The following LILRA2 variants were observed in gnomAD, a reference collection of about 807,000 sequenced individuals.
LILRA2 encodes leukocyte immunoglobulin like receptor A2, also known as leukocyte immunoglobulin-like receptor subfamily A member 2.
In LILRA2, 45 loss-of-function variants were observed where a neutral mutation model predicts 47.9. That is an observed-to-expected ratio of 0.94 (90% confidence interval 0.74 to 1.20). The LOEUF is 1.20. Ranked by LOEUF, LILRA2 falls within the 50% of genes most tolerant of loss-of-function variation. The pLI is 0.00. For missense variants in LILRA2, 651 were observed against 598.2 expected, an observed-to-expected ratio of 1.09 and a Z score of -0.92; for synonymous variants, 279 against 249.2, an observed-to-expected ratio of 1.12 and a Z score of -1.13.
intron 6 of LILRA2, among the ~76,000 whole-genome samples, chr19:54,579,015 A>T (rs117723404): frequency 6.6e-6 from 1 of 151,160 alleles, no homozygotes; most frequent in Non-Finnish European, 1.5e-5. Context: ...GGATATTAGC[A>T]CTTTGCCAAA....
chr19:54,583,078 T>C (rs907582719), intron 6 of LILRA2, among the ~76,000 whole-genome samples: 1 of 152,216 alleles, frequency 6.6e-6, no homozygotes, highest in African/African-American at 2.4e-5. Context: ...TCCATGTAGT[T>C]GTGTGGTTTT....
intron 6 of LILRA2, chr19:54,577,637 C>T: frequency 2.3e-6 from 3 of 1,289,592 alleles, no homozygotes; most frequent in Non-Finnish European, 3.0e-6. Flanking sequence ...CTCACACTGC[C>T]CCTCCTGTGC....
intron 6 of LILRA2, among the ~76,000 whole-genome samples, chr19:54,578,177 T>C (rs4806784): frequency 0.24 from 36,280 of 151,942 alleles, 6,627 homozygotes; most frequent in African/African-American, 0.5. Context: ...ATGTGCACAA[T>C]GTGCAGGTTT....
chr19:54,585,150 G>A (rs994245663), intron 6 of LILRA2, among the ~76,000 whole-genome samples: 1 of 152,140 alleles, frequency 6.6e-6, no homozygotes, highest in Non-Finnish European at 1.5e-5. Flanking sequence ...CCTTCCTTTC[G>A]AAGCTTCATC....
At chr19:54,584,575 G>T (rs143303271) in intron 6 of LILRA2, among the ~76,000 whole-genome samples, 5,338 of 152,188 alleles carry the variant, frequency 0.035, 118 homozygotes, top group South Asian at 0.056. Context: ...AGCTATTGAA[G>T]CTTGTGCATG....
At position 54,574,385 on chromosome 19, in the gene LILRA2, G is replaced by C. The variant is rs774578964; in HGVS notation, c.155G>C (p.Ser52Thr). Residue 52 changes from serine to threonine, a missense_variant, in exon 3 of 8, where the codon AGC (serine) becomes ACC (threonine). Transcript: ENST00000391738. ...GSPVTLRCQG[S>T]LQAEEYHLYR... ...CCTGTGACCCTCAGGTGTCAGGGGA[G>C]CCTTCAGGCTGAGGAGTACCATCTA... The C allele has an allele frequency of 9.3e-6, 15 of 1,614,214 alleles. No individual in the cohort carries two copies. The South Asian group carries it at 1.5e-4, about 17-fold the overall frequency.
rs145704089 is a variant in LILRA2 at position 54,573,895 on chromosome 19, C to T, written c.17C>T (p.Thr6Met). 4.7e-4 allele frequency: 765 copies of T among 1,614,196 alleles called. No homozygotes were observed. The highest frequency in any genetic ancestry group is 7.8e-4 in the East Asian group (35 of 44,880). Residue 6 changes from threonine (T) to methionine (M), a missense_variant, in exon 1 of 8, where the codon ACG becomes ATG. Thr to Met is a moderately conservative substitution (Grantham distance 81, BLOSUM62 -1). Transcript: ENST00000391738. ...GGAGACGCCATGACCCCCATCCTCACGGTCCTGATCTGTCTCGGTGAGATT... is the reference window on the plus strand; with the variant it reads ...GGAGACGCCATGACCCCCATCCTCATGGTCCTGATCTGTCTCGGTGAGATT... MTPIL[T>M]VLICLGLSLG...
Position 54,575,888 on chromosome 19 carries a change from A to T in LILRA2, c.1034A>T (p.Gln345Leu). ...GGAAAGAACGTGACCCTGCTGTGTC[A>T]GTCACGGGGGCAGTTCCACACTTTC... The part of the protein sequence containing the change: ...APGKNVTLLC[Q>L]SRGQFHTFLL... The change falls in exon 6 of 8, where the codon CAG becomes CTG. Residue 345 changes from glutamine (Q) to leucine (L), a missense_variant. Physicochemically the swap from Gln to Leu is moderately radical, Grantham distance 113 (BLOSUM62 -2). Transcript: ENST00000391738. 3 of 1,613,790 alleles carry T rather than the reference A, an allele frequency of 1.9e-6. No homozygotes were observed. In the African/African-American group the frequency reaches 4.0e-5, roughly 22 times the overall value.
intron 6 of LILRA2, among the ~76,000 whole-genome samples, chr19:54,582,234 A>G (rs59866121): frequency 6.6e-5 from 10 of 152,040 alleles, no homozygotes; most frequent in African/African-American, 2.2e-4. Context: ...ACCTAAAATT[A>G]TCCTTTTTTG....
At chr19:54,583,216 A>G (rs969066257) in intron 6 of LILRA2, among the ~76,000 whole-genome samples, 1 of 152,180 alleles carries the variant, frequency 6.6e-6, no homozygotes, top group Non-Finnish European at 1.5e-5. Context: ...CAATTTTGGA[A>G]TAAGTGCAAA....
chr19:54,574,875 T>A lies in LILRA2; in HGVS notation c.497T>A (p.Leu166Gln). The A allele has an allele frequency of 6.2e-7, 1 of 1,614,258 alleles. No homozygotes were observed. The change falls in exon 4 of 8, where the codon CTG becomes CAG. Residue 166 changes from leucine to glutamine, a missense_variant. By Grantham distance (113) the Leu-to-Gln change is moderately radical (BLOSUM62 -2). Transcript: ENST00000391738. ...GGAGAAGATGAACACCCACAACGCC[T>A]GAACTCCCATTCCCATGCCCGTGGG... Reference protein sequence around the residue: ...KEGEDEHPQRLNSHSHARGWS... With the variant: ...KEGEDEHPQRQNSHSHARGWS...
chr19:54,585,834 GTAC>G (rs1313011363), intron 6 of LILRA2, among the ~76,000 whole-genome samples: 1 of 152,164 alleles, frequency 6.6e-6, no homozygotes, highest in Non-Finnish European at 1.5e-5. Context: ...GATAAACCAG[GTAC>G]CTCAGTTGGA....
upstream of LILRA2, chr19:54,573,520 G>GCCTCTGCTCACC: frequency 1.1e-6 from 1 of 878,196 alleles, no homozygotes; most frequent in Non-Finnish European, 1.9e-6. Flanking sequence ...GGAAGAGGAA[G>GCCTCTGCTCACC]CCTCTGCTCA....
In LILRA2 at chr19:54,586,447, C is replaced by T. The variant is rs556278973; in HGVS notation, c.1256-563C>T. 2.9e-3 allele frequency among the ~76,000 whole-genome samples: 439 copies of T among 151,972 alleles called. No individual in the cohort carries two copies. The South Asian group carries it at 0.061, about 21-fold the overall frequency. ...ACTGCCTGTATGAGGAATTAGTTAC[C>T]TAAGGATTAAACGGAAGATGAAACC... is the stretch of plus-strand genomic sequence containing the variant. On this transcript the variant is annotated intron_variant, in intron 6 of 7. Transcript: ENST00000391738.
At chr19:54,582,768 C>G (rs746785756) in intron 6 of LILRA2, among the ~76,000 whole-genome samples, 46 of 152,086 alleles carry the variant, frequency 3.0e-4, no homozygotes, top group African/African-American at 1.0e-3. Flanking sequence ...TTTTGTGTCT[C>G]TATCTCCTTC....
At chr19:54,585,117 A>G (rs2062758137) in intron 6 of LILRA2, among the ~76,000 whole-genome samples, 2 of 152,218 alleles carry the variant, frequency 1.3e-5, no homozygotes, top group Admixed American at 6.5e-5. Flanking sequence ...GAGGCTGCAG[A>G]ACAGCAAATA....
At chr19:54,586,876 C>T (rs867272750) in intron 6 of LILRA2, 134 bp from the exon 7 acceptor site, 29 of 581,704 alleles carry the variant, frequency 5.0e-5, no homozygotes, top group South Asian at 2.2e-4. Context: ...CTGGAGGGAA[C>T]CCTGCTACAG....
chr19:54,577,468 C>A (rs1340766624), intron 6 of LILRA2: 8 of 1,281,218 alleles, frequency 6.2e-6, no homozygotes, highest in Middle Eastern at 2.2e-4. Flanking sequence ...TTCCAAGAGC[C>A]CCTGAGTATA....
At chr19:54,573,442 AC>A, upstream of LILRA2, 1 of 1,077,178 alleles carries the variant, frequency 9.3e-7, no homozygotes. Context: ...CATGGTAAGG[AC>A]CCCGCAACGC....
Sources: gnomAD v4.1 joint callset for allele counts (sites outside exome capture counted in the v4.1 genomes callset) on GRCh38, gnomAD v4.1.1 for gene constraint, MANE v1.5 for transcripts, NCBI Gene and HGNC (gene_info 2026-07-23, HGNC 2026-07-21) for gene names.